The following STPG2 variants were observed in gnomAD, a reference collection of about 807,000 sequenced individuals.
The protein encoded by STPG2 is sperm tail PG-rich repeat containing 2.
A neutral mutation model predicts 54.2 loss-of-function variants in STPG2; 56 were observed. The observed-to-expected ratio is 1.03, with a 90% CI of 0.83 to 1.29. The LOEUF is 1.29. Ranked by LOEUF, STPG2 falls within the 50% of genes most tolerant of loss-of-function variation. STPG2 has a pLI of 0.00. For missense variants in STPG2, 596 were observed against 544.9 expected (o/e 1.09, Z -0.93); for synonymous variants, 200 against 181.8 (o/e 1.10, Z -0.81).
intron 10 of STPG2, among the ~76,000 whole-genome samples, chr4:97,599,516 T>C (rs760807048): frequency 9.9e-5 from 15 of 152,004 alleles, no homozygotes; most frequent in Non-Finnish European, 2.2e-4. Flanking sequence ...AATGGTAGAT[T>C]GGATAAAGAA....
chr4:98,104,779 T>C (rs924000716), intron 5 of STPG2, among the ~76,000 whole-genome samples: 1 of 152,232 alleles, frequency 6.6e-6, no homozygotes, highest in Admixed American at 6.5e-5. Context: ...ATTACCCTTA[T>C]GTAAGGTCAA....
At chr4:97,629,047 C>T (rs17026847) in intron 10 of STPG2, among the ~76,000 whole-genome samples, 20,719 of 151,826 alleles carry the variant, frequency 0.14, 4,113 homozygotes, top group African/African-American at 0.44. Context: ...TTCCCATATT[C>T]ATTTGTATAT....
chr4:97,761,789 T>C (rs1343883627), intron 9 of STPG2, among the ~76,000 whole-genome samples: 1 of 152,194 alleles, frequency 6.6e-6, no homozygotes, highest in African/African-American at 2.4e-5. Flanking sequence ...TTCCTTTTAA[T>C]TTACATACTG....
rs531350107 is a variant in STPG2 at position 97,537,468 on chromosome 4, G to A, written c.462+175231C>T. On this transcript the variant is annotated intron_variant, in intron 4 of 4. Coordinates refer to the STPG2 transcript ENST00000522676. Reference sequence around the variant, plus strand: ...GTTGCTAGCACAGCAGTCTGAGATCGAACTGCAAGGCAGCAGCAAGGCTGG... The same window carrying A: ...GTTGCTAGCACAGCAGTCTGAGATCAAACTGCAAGGCAGCAGCAAGGCTGG... Among the ~76,000 whole-genome samples the A allele has an allele frequency of 2.1e-3, 316 of 152,256 alleles. 1 individual carries two copies. The highest frequency in any genetic ancestry group is 7.1e-3 in the African/African-American group (295 of 41,552).
At chr4:97,542,076 C>A (rs939181495) in intron 4 of STPG2, among the ~76,000 whole-genome samples, 1 of 152,150 alleles carries the variant, frequency 6.6e-6, no homozygotes, top group Non-Finnish European at 1.5e-5. Context: ...GACTTCATGT[C>A]TAAAACACCA....
At chr4:97,999,285 T>C (rs763715563) in intron 5 of STPG2, among the ~76,000 whole-genome samples, 3 of 152,218 alleles carry the variant, frequency 2.0e-5, no homozygotes, top group Non-Finnish European at 4.4e-5. Flanking sequence ...TTGGGACAGA[T>C]AGTATTGGTT....
At chr4:97,642,901 C>A (rs1054836920) in intron 10 of STPG2, among the ~76,000 whole-genome samples, 2 of 151,216 alleles carry the variant, frequency 1.3e-5, no homozygotes, top group African/African-American at 4.8e-5. Context: ...AGAACAATTG[C>A]CAAATAAATT....
chr4:98,109,398 G>T, intron 3 of STPG2, 93 bp from the exon 4 acceptor site: 1 of 897,344 alleles, frequency 1.1e-6, no homozygotes, highest in Non-Finnish European at 1.7e-6. Flanking sequence ...TAAATCTAAA[G>T]CAAGGATAGC....
chr4:98,009,651 GATA>G (rs1376594125), intron 5 of STPG2, among the ~76,000 whole-genome samples: 1 of 56,152 alleles, frequency 1.8e-5, no homozygotes, highest in Non-Finnish European at 4.1e-5. Flanking sequence ...CTGACTGAAT[GATA>G]ATGATATATC....
At chr4:97,923,812 G>C (rs1439904779) in intron 8 of STPG2, among the ~76,000 whole-genome samples, 2 of 152,116 alleles carry the variant, frequency 1.3e-5, no homozygotes, top group Non-Finnish European at 2.9e-5. Context: ...TAATCTAGTG[G>C]AGAACTTTTA....
At chr4:97,669,306 T>C (rs1722627157) in intron 10 of STPG2, among the ~76,000 whole-genome samples, 1 of 152,154 alleles carries the variant, frequency 6.6e-6, no homozygotes, top group Admixed American at 6.6e-5. Flanking sequence ...ATACCCAGTA[T>C]ATTAAAAGTT....
At chr4:97,632,230 A>G in intron 10 of STPG2, among the ~76,000 whole-genome samples, 1 of 151,176 alleles carries the variant, frequency 6.6e-6, no homozygotes, top group South Asian at 2.1e-4. Context: ...GTAATAATAG[A>G]TTTTTTTGTT....
intron 3 of STPG2, among the ~76,000 whole-genome samples, chr4:98,120,180 A>G (rs1739638707): frequency 6.6e-6 from 1 of 152,144 alleles, no homozygotes; most frequent in Non-Finnish European, 1.5e-5. Context: ...TCCCAGGTTC[A>G]AGCGATTCTT....
intron 10 of STPG2, among the ~76,000 whole-genome samples, chr4:97,569,587 T>C (rs577051237): frequency 4.6e-5 from 7 of 152,162 alleles, no homozygotes; most frequent in Non-Finnish European, 1.0e-4. Context: ...AATCCATTAG[T>C]TCATACTGAT....
chr4:97,947,165 T>C (rs1578720396), intron 7 of STPG2, among the ~76,000 whole-genome samples: 2 of 152,182 alleles, frequency 1.3e-5, no homozygotes, highest in East Asian at 3.9e-4. Flanking sequence ...AGATTGAGTT[T>C]ATTTCATTCT....
intron 4 of STPG2, among the ~76,000 whole-genome samples, chr4:97,465,644 T>G (rs1263823910): frequency 6.6e-6 from 1 of 152,122 alleles, no homozygotes; most frequent in African/African-American, 2.4e-5. Context: ...GTTCCTGATA[T>G]AAAATGGCAT....
chr4:97,908,071 G>T (rs1181270564), intron 8 of STPG2, among the ~76,000 whole-genome samples: 3 of 151,734 alleles, frequency 2.0e-5, no homozygotes, highest in Admixed American at 6.6e-5. Context: ...TACCATCAGA[G>T]TGAACAGGCA....
chr4:97,887,301 T>C (rs1438796562), intron 8 of STPG2, among the ~76,000 whole-genome samples: 1 of 152,154 alleles, frequency 6.6e-6, no homozygotes, highest in Non-Finnish European at 1.5e-5. Flanking sequence ...AGAGACTGGT[T>C]CAATGGTTAT....
At position 97,507,737 on chromosome 4, in the gene STPG2, T is replaced by C. The variant is rs150107858; in HGVS notation, c.462+204962A>G. Among the ~76,000 whole-genome samples the C allele has an allele frequency of 7.3e-3, 1,108 of 152,064 alleles. 9 individuals carry two copies. Among genetic ancestry groups the C allele is most frequent in the Non-Finnish European group, 0.012 (799 of 67,960 alleles). On this transcript the variant is annotated intron_variant, in intron 4 of 4. Coordinates refer to the STPG2 transcript ENST00000522676. ...GCTATACATATGATGACAGTTTTAT[T>C]AATATTATGAAAGATACACATAGGG...
Sources: gnomAD v4.1 joint callset for allele counts (sites outside exome capture counted in the v4.1 genomes callset) on GRCh38, gnomAD v4.1.1 for gene constraint, MANE v1.5 for transcripts, NCBI Gene and HGNC (gene_info 2026-07-23, HGNC 2026-07-21) for gene names.